The following GIPC2 variants were observed in gnomAD, a reference collection of about 807,000 sequenced individuals.
GIPC2 encodes the protein GIPC PDZ domain containing family member 2, also known as PDZ domain-containing protein GIPC2.
Under a neutral mutation model 30.6 loss-of-function variants are expected in GIPC2, and 30 were observed. The ratio of observed to expected loss-of-function variants is 0.98; its 90% CI spans 0.73 to 1.33. The LOEUF is 1.33. Ranked by LOEUF, GIPC2 falls within the 40% of genes most tolerant of loss-of-function variation. The pLI is 0.00. For missense variants in GIPC2, 414 were observed against 390.3 expected (o/e 1.06, Z -0.51); for synonymous variants, 167 against 150.0 (o/e 1.11, Z -0.83).
intron 3 of GIPC2, among the ~76,000 whole-genome samples, chr1:78,114,999 G>T (rs902717868): frequency 1.3e-5 from 2 of 152,152 alleles, no homozygotes; most frequent in Non-Finnish European, 2.9e-5. Context: ...AGTCTTCTAT[G>T]CTACATACAT....
intron 2 of GIPC2, among the ~76,000 whole-genome samples, chr1:78,082,373 T>C (rs1661847145): frequency 6.6e-6 from 1 of 152,228 alleles, no homozygotes; most frequent in Admixed American, 6.5e-5. Flanking sequence ...TTAGGGAAGT[T>C]ATCTTCTTAA....
rs1478577089 is a variant in GIPC2 at position 78,128,414 on chromosome 1, C to CTAA, written c.796+2452_796+2453insTAA. ...TCTGGAGTGAATCACAGACACAGGGCCTAGGAAAAGATCTAACTAGGAATA... is the reference window on the plus strand; with the variant it reads ...TCTGGAGTGAATCACAGACACAGGGCTAACTAGGAAAAGATCTAACTAGGAATA... On this transcript the variant is annotated intron_variant, in intron 5 of 5. Transcript: ENST00000370759. 3.3e-5 allele frequency among the ~76,000 whole-genome samples: 5 copies of CTAA among 151,896 alleles called. No homozygotes were observed. The East Asian group carries it at 9.6e-4, about 29-fold the overall frequency.
At chr1:78,127,435 CAG>C (rs957602883) in intron 5 of GIPC2, among the ~76,000 whole-genome samples, 37 of 152,262 alleles carry the variant, frequency 2.4e-4, no homozygotes, top group African/African-American at 7.5e-4. Context: ...AAGGTGAAAA[CAG>C]AGGGAATTTC....
Position 78,119,431 on chromosome 1 carries a change from G to T in GIPC2, c.646G>T (p.Glu216Ter), listed in dbSNP as rs140087680. The change falls in exon 4 of 6, where the codon GAA becomes TAA. Residue 216 changes from glutamate to a stop codon, truncating the protein, a stop_gained. Transcript: ENST00000370759. LOFTEE classifies it high-confidence loss of function. ...LRSKAGKSSG[E>*]KIGCGRATLR... ...GTCAAAGGCTGGAAAGTCATCAGGAGAAAAAATTGGTTGTGGAAGGGCAAC... is the reference window on the plus strand; with the variant it reads ...GTCAAAGGCTGGAAAGTCATCAGGATAAAAAATTGGTTGTGGAAGGGCAAC... The T allele has an allele frequency of 5.0e-6, 8 of 1,612,898 alleles. No individual in the cohort carries two copies. The highest frequency in any genetic ancestry group is 6.8e-6 in the Non-Finnish European group (8 of 1,178,992).
At chr1:78,071,796 C>A (rs1219463907) in intron 1 of GIPC2, among the ~76,000 whole-genome samples, 1 of 152,070 alleles carries the variant, frequency 6.6e-6, no homozygotes, top group Non-Finnish European at 1.5e-5. Flanking sequence ...TAGAAAAAGC[C>A]CGAATTCTAG....
At chr1:78,135,480 T>A in intron 5 of GIPC2, 112 bp from the exon 6 acceptor site, 1 of 632,454 alleles carries the variant, frequency 1.6e-6, no homozygotes, top group South Asian at 2.1e-5. Context: ...GCATTTAATT[T>A]GAAATATATT....
chr1:78,115,436 A>G (rs1273506207), intron 3 of GIPC2, among the ~76,000 whole-genome samples: 1 of 152,210 alleles, frequency 6.6e-6, no homozygotes, highest in African/African-American at 2.4e-5. Flanking sequence ...AGGAGGTTGC[A>G]TGTCTTAAGG....
intron 3 of GIPC2, among the ~76,000 whole-genome samples, chr1:78,102,841 ACC>A (rs1367826843): frequency 6.6e-6 from 1 of 152,234 alleles, no homozygotes; most frequent in Non-Finnish European, 1.5e-5. Context: ...AACAAGATAA[ACC>A]CACTGAAACA....
chr1:78,106,943 TG>T (rs1662364923), intron 3 of GIPC2, among the ~76,000 whole-genome samples: 2 of 152,186 alleles, frequency 1.3e-5, no homozygotes, highest in African/African-American at 4.8e-5. Flanking sequence ...CCCAAGGTGC[TG>T]GGATTACAGG....
At chr1:78,129,738 T>TGGTGGA (rs1489975831) in intron 5 of GIPC2, among the ~76,000 whole-genome samples, 1 of 152,212 alleles carries the variant, frequency 6.6e-6, no homozygotes, top group Non-Finnish European at 1.5e-5. Context: ...AGACCTCACA[T>TGGTGGA]GGTCTTGACC....
chr1:78,092,033 C>T (rs1662051333), intron 2 of GIPC2: 3 of 1,528,440 alleles, frequency 2.0e-6, no homozygotes, highest in Non-Finnish European at 2.7e-6. Flanking sequence ...ACTCATCGCC[C>T]TCCTGTCTAC....
chr1:78,069,591 A>G (rs1289459392), intron 1 of GIPC2, among the ~76,000 whole-genome samples: 3 of 150,202 alleles, frequency 2.0e-5, no homozygotes, highest in African/African-American at 7.4e-5. Flanking sequence ...CTCATACCTC[A>G]GCCTCCTGAG....
chr1:78,050,811 T>G (rs964450547), intron 1 of GIPC2, among the ~76,000 whole-genome samples: 4 of 152,048 alleles, frequency 2.6e-5, no homozygotes, highest in Admixed American at 1.3e-4. Context: ...ATTTTTTGTA[T>G]TTTTAGTAGA....
chr1:78,066,255 A>G (rs1288911613), intron 1 of GIPC2, among the ~76,000 whole-genome samples: 2 of 152,242 alleles, frequency 1.3e-5, no homozygotes, highest in Non-Finnish European at 2.9e-5. Context: ...AAAAGCAGAC[A>G]TACATGTGAC....
upstream of GIPC2, chr1:78,045,829 G>A: frequency 8.0e-7 from 1 of 1,254,900 alleles, no homozygotes; most frequent in Non-Finnish European, 1.0e-6. Flanking sequence ...TTTTTACAAG[G>A]AGTAGGGATA....
intron 3 of GIPC2, among the ~76,000 whole-genome samples, chr1:78,099,027 G>A (rs1229402927): frequency 1.3e-5 from 2 of 152,158 alleles, no homozygotes; most frequent in African/African-American, 4.8e-5. Context: ...TACAGTACCA[G>A]TTCTTTGACT....
At chr1:78,046,853 TC>T (rs1661102914) in intron 1 of GIPC2, among the ~76,000 whole-genome samples, 1 of 151,690 alleles carries the variant, frequency 6.6e-6, no homozygotes, top group African/African-American at 2.4e-5. Flanking sequence ...TGAAGAGCCT[TC>T]CAGGTAATAC....
chr1:78,100,400 A>C (rs1662219641), intron 3 of GIPC2, among the ~76,000 whole-genome samples: 1 of 152,180 alleles, frequency 6.6e-6, no homozygotes, highest in Admixed American at 6.5e-5. Context: ...ATGTACCTGC[A>C]CACCACTGAA....
chr1:78,050,654 G>A (rs1030804344), intron 1 of GIPC2, among the ~76,000 whole-genome samples: 3 of 142,232 alleles, frequency 2.1e-5, no homozygotes, highest in African/African-American at 7.8e-5. Context: ...TTTTTTTTGT[G>A]ACGGGAGTCT....
Sources: allele counts gnomAD v4.1 joint callset (sites outside exome capture counted in the v4.1 genomes callset), GRCh38; gene constraint gnomAD v4.1.1; transcripts MANE v1.5; gene names NCBI Gene and HGNC (gene_info 2026-07-23, HGNC 2026-07-21).